Variants in C2orf49 observed in about 807,000 individuals in gnomAD.
The protein encoded by C2orf49 is tRNA-splicing ligase complex subunit ASW.
Under a neutral mutation model 20.6 loss-of-function variants are expected in C2orf49, and 11 were observed. The ratio of observed to expected loss-of-function variants is 0.53; its 90% CI spans 0.34 to 0.88. The LOEUF (loss-of-function observed/expected upper bound fraction) is 0.88. Among genes scored for constraint, C2orf49 ranks in the 40% least tolerant of loss-of-function variants. C2orf49 has a pLI of 0.02. For synonymous variants in C2orf49, 134 were observed against 108.5 expected (o/e 1.24, Z -1.46); for missense variants, 289 against 274.2 (o/e 1.05, Z -0.38).
the C2orf49 span, among the ~76,000 whole-genome samples, chr2:105,384,982 T>C: frequency 6.6e-6 from 1 of 152,216 alleles, no homozygotes. Context: ...AGTCGTCAGG[T>C]GCAGTGAGAC....
At position 105,347,673 on chromosome 2, in the gene C2orf49, G is replaced by C. The variant is rs904665661; in HGVS notation, c.*2302G>C. The stretch of plus-strand genomic sequence containing the variant: ...GCTTTGTTCCTTCTGAAGGTGTATA[G>C]ATACAGCTTGTCTTGAAATGTCTTT... On this transcript the variant is annotated 3_prime_UTR_variant, in exon 4 of 4. Transcript: ENST00000258457. 2 of 152,204 alleles carry C rather than the reference G, an allele frequency of 1.3e-5. No homozygotes were observed. The highest frequency in any genetic ancestry group is 4.8e-5 in the African/African-American group (2 of 41,450). The allele number at this position is 152,204 out of a possible 1,614,324, so 9.4% of individuals were successfully genotyped here. A position where few individuals can be genotyped will look rare whatever the true frequency, so the allele number is the denominator to read the frequency against.
the C2orf49 span, chr2:105,377,907 G>A: frequency 2.6e-6 from 1 of 385,554 alleles, no homozygotes; most frequent in Non-Finnish European, 5.3e-6. Context: ...CCAGGGAGGA[G>A]GCATTACGCC....
chr2:105,356,442 G>T, the C2orf49 span, among the ~76,000 whole-genome samples: 1 of 152,064 alleles, frequency 6.6e-6, no homozygotes, highest in East Asian at 1.9e-4. Context: ...AGGCATGGTG[G>T]TGCGTGCCTG....
chr2:105,339,462 G>A (rs1022608744), intron 1 of C2orf49, 121 bp from the exon 2 acceptor site: 1 of 906,884 alleles, frequency 1.1e-6, no homozygotes. Flanking sequence ...GCGTGTTATT[G>A]TGAAAATGGC....
chr2:105,360,995 T>G, the C2orf49 span: 12 of 273,890 alleles, frequency 4.4e-5, no homozygotes, highest in African/African-American at 2.2e-4. Context: ...AGAGAAAGAT[T>G]TATAAAGGCA....
chr2:105,355,370 T>C, the C2orf49 span, among the ~76,000 whole-genome samples: 1 of 152,160 alleles, frequency 6.6e-6, no homozygotes, highest in Non-Finnish European at 1.5e-5. Context: ...AGCCCATGTG[T>C]CTGGTAAAGA....
chr2:105,370,131 T>G, the C2orf49 span, among the ~76,000 whole-genome samples: 1 of 152,194 alleles, frequency 6.6e-6, no homozygotes, highest in East Asian at 1.9e-4. Flanking sequence ...CCCAGCACTT[T>G]GGGAGGCTAA....
intron 3 of C2orf49, among the ~76,000 whole-genome samples, chr2:105,344,785 C>G (rs1679769843): frequency 6.6e-6 from 1 of 151,730 alleles, no homozygotes; most frequent in Non-Finnish European, 1.5e-5. Flanking sequence ...AGGGTTTCAC[C>G]AAACCTGTTG....
chr2:105,354,805 G>A, the C2orf49 span, among the ~76,000 whole-genome samples: 3 of 152,272 alleles, frequency 2.0e-5, no homozygotes, highest in Admixed American at 6.5e-5. Flanking sequence ...TGTGATCAAC[G>A]TAAATCTTAA....
At chr2:105,353,297 A>G (rs1679980477), downstream of C2orf49, among the ~76,000 whole-genome samples, 1 of 152,118 alleles carries the variant, frequency 6.6e-6, no homozygotes, top group Non-Finnish European at 1.5e-5. Context: ...CTTTTGGGGG[A>G]GACATTCAAA....
chr2:105,372,739 A>G, the C2orf49 span, among the ~76,000 whole-genome samples: 1 of 151,922 alleles, frequency 6.6e-6, no homozygotes, highest in Non-Finnish European at 1.5e-5. Flanking sequence ...CAGTGAGTCA[A>G]GATTGCACCA....
At chr2:105,372,468 G>A in the C2orf49 span, among the ~76,000 whole-genome samples, 31 of 152,040 alleles carry the variant, frequency 2.0e-4, no homozygotes, top group African/African-American at 5.3e-4. Context: ...CTCGTGATCC[G>A]CCCTCCTTAG....
the C2orf49 span, chr2:105,375,888 C>T: frequency 6.6e-6 from 1 of 152,154 alleles, no homozygotes. Flanking sequence ...TTTCAGAAAT[C>T]TGAGGGGAAC....
downstream of C2orf49, among the ~76,000 whole-genome samples, chr2:105,353,209 T>C (rs1157608534): frequency 6.6e-6 from 1 of 151,970 alleles, no homozygotes; most frequent in Non-Finnish European, 1.5e-5. Context: ...GAGGACAGAG[T>C]CCTCATGGCC....
chr2:105,360,365 C>CT, the C2orf49 span: 145 of 139,864 alleles, frequency 1.0e-3, no homozygotes, highest in Middle Eastern at 3.7e-3. Flanking sequence ...TGACTGAAGG[C>CT]TTTTTTTTTT....
chr2:105,379,094 G>A, the C2orf49 span, among the ~76,000 whole-genome samples: 1 of 152,140 alleles, frequency 6.6e-6, no homozygotes, highest in Non-Finnish European at 1.5e-5. Context: ...CAATTCAAGG[G>A]CCCAAATGCC....
chr2:105,383,528 A>G, the C2orf49 span, among the ~76,000 whole-genome samples: 1 of 152,340 alleles, frequency 6.6e-6, no homozygotes, highest in East Asian at 1.9e-4. Flanking sequence ...TAAGTAGGTC[A>G]GGACTCTCAA....
Position 105,345,717 on chromosome 2 carries a change from C to G in C2orf49, c.*346C>G, listed in dbSNP as rs1679794428. 4.7e-6 allele frequency: 1 copy of G among 212,184 alleles called. No homozygotes were observed. Among genetic ancestry groups the G allele is most frequent in the South Asian group, 7.3e-5 (1 of 13,736 alleles). 13.1% of individuals were successfully genotyped at this position (212,184 alleles called of 1,614,324 possible). On this transcript the variant is annotated 3_prime_UTR_variant, in exon 4 of 4. Coordinates refer to ENST00000258457, the MANE Select transcript of C2orf49 (RefSeq NM_024093.3). Reference sequence around the variant, plus strand: ...GTGGCTCACGCCTATAATCCCAGCACTTTGAGAGACTGAGGTGGGCAGATC... The same window carrying G: ...GTGGCTCACGCCTATAATCCCAGCAGTTTGAGAGACTGAGGTGGGCAGATC...
At chr2:105,367,736 G>A in the C2orf49 span, 1 of 1,613,356 alleles carries the variant, frequency 6.2e-7, no homozygotes, top group Non-Finnish European at 8.5e-7. Context: ...CATCTTGCGG[G>A]TACCTGTCAT....
Sources: gnomAD v4.1 joint callset for allele counts (sites outside exome capture counted in the v4.1 genomes callset) on GRCh38, gnomAD v4.1.1 for gene constraint, MANE v1.5 for transcripts, NCBI Gene and HGNC (gene_info 2026-07-23, HGNC 2026-07-21) for gene names.